ELP6: variants seen among roughly 807,000 people sequenced by gnomAD.
ELP6 encodes the protein elongator acetyltransferase complex subunit 6, also known as elongator complex protein 6.
ELP6 carries 23 observed loss-of-function variants against 28.1 expected under a neutral mutation model. The ratio of observed to expected loss-of-function variants is 0.82; its 90% CI spans 0.59 to 1.16. The LOEUF is 1.16. ELP6 is among the 50% of genes most tolerant of loss of function. The probability of loss-of-function intolerance (pLI) is 0.00; values close to 1 mark genes in which losing one functional copy is unlikely to be tolerated. For missense variants in ELP6, 313 were observed against 334.6 expected (o/e 0.94, Z 0.50); for synonymous variants, 132 against 135.8 (o/e 0.97, Z 0.19).
intron 6 of ELP6, 192 bp downstream of exon 6, chr3:47,498,094 G>A (rs1708530671): frequency 7.3e-7 from 1 of 1,364,832 alleles, no homozygotes. Context: ...CATGGAAAAC[G>A]TGGGCTGGTC....
chr3:47,499,815 G>A (rs2108077754), intron 5 of ELP6: 1 of 1,126,974 alleles, frequency 8.9e-7, no homozygotes, highest in Non-Finnish European at 1.1e-6. Context: ...CTGCTGGGCT[G>A]TGGCCCCAGC....
chr3:47,502,356 G>C (rs1230779577), intron 4 of ELP6: 4 of 944,430 alleles, frequency 4.2e-6, no homozygotes, highest in Middle Eastern at 5.3e-4. Context: ...GTTGCAGTGA[G>C]CCACGACTGA....
intron 3 of ELP6, among the ~76,000 whole-genome samples, chr3:47,506,777 C>T (rs183292524): frequency 1.6e-4 from 24 of 152,262 alleles, no homozygotes; most frequent in Non-Finnish European, 2.6e-4. Flanking sequence ...ACATCCTCCT[C>T]GGCTTGCGAG....
At chr3:47,512,721 C>T in intron 1 of ELP6, 1 of 980,330 alleles carries the variant, frequency 1.0e-6, no homozygotes, top group Non-Finnish European at 1.2e-6. Flanking sequence ...CTCTGTCCTG[C>T]TTCTAACAGT....
chr3:47,503,082 G>A (rs1276358841), intron 4 of ELP6: 2 of 1,047,480 alleles, frequency 1.9e-6, no homozygotes, highest in Non-Finnish European at 2.3e-6. Flanking sequence ...TGAGCCCCTG[G>A]CATTGGGTTA....
intron 1 of ELP6, chr3:47,511,555 G>T: frequency 1.1e-6 from 1 of 892,158 alleles, no homozygotes; most frequent in Non-Finnish European, 1.3e-6. Context: ...ATTGGATCCT[G>T]AACAAAGGAT....
At chr3:47,510,338 T>C in intron 2 of ELP6, 84 bp from the exon 3 acceptor site, 1 of 1,196,364 alleles carries the variant, frequency 8.4e-7, no homozygotes. Flanking sequence ...AAAAAAGCAC[T>C]GAGGCAAATC....
At chr3:47,511,643 C>G (rs1163776184) in intron 1 of ELP6, 1 of 576,170 alleles carries the variant, frequency 1.7e-6, no homozygotes. Flanking sequence ...CTGCCAACTA[C>G]TTTATATTCT....
intron 1 of ELP6, chr3:47,511,672 T>C: frequency 3.3e-6 from 2 of 606,046 alleles, no homozygotes; most frequent in Non-Finnish European, 4.2e-6. Context: ...TTCTATTCTG[T>C]AGGGTGAGGG....
rs1187558736 is a variant in ELP6 at position 47,507,211 on chromosome 3, A to T, written c.205-2763T>A. On this transcript the variant is annotated intron_variant, in intron 3 of 6. Transcript: ENST00000296149. ...AACCCTGTCTCTATGAAAATACAAA[A>T]TTAGCCGGGTATGGTGGCACATGCC... Among the ~76,000 whole-genome samples, 4 of 151,924 alleles carry T rather than the reference A, an allele frequency of 2.6e-5. No homozygotes were observed. The East Asian group carries it at 5.8e-4, about 22-fold the overall frequency.
intron 3 of ELP6, among the ~76,000 whole-genome samples, chr3:47,506,541 A>G (rs1160842373): frequency 6.6e-6 from 1 of 152,214 alleles, no homozygotes; most frequent in Non-Finnish European, 1.5e-5. Flanking sequence ...CTTGCTGAGA[A>G]AAAGAATTCA....
chr3:47,505,266 A>AAAAC (rs748661683), intron 3 of ELP6, among the ~76,000 whole-genome samples: 70 of 152,156 alleles, frequency 4.6e-4, no homozygotes, highest in East Asian at 7.7e-4. Flanking sequence ...AACTGTCTCA[A>AAAAC]AAACAAACAA....
intron 1 of ELP6, 72 bp downstream of exon 1, chr3:47,513,465 C>T (rs2029966443): frequency 6.3e-7 from 1 of 1,577,360 alleles, no homozygotes; most frequent in Non-Finnish European, 8.6e-7. Context: ...GGGTCGTGCG[C>T]ACCGCCTCCC....
chr3:47,498,280 G>A lies in ELP6; in HGVS notation c.672+6C>T, dbSNP rs1398733426. The A allele has an allele frequency of 6.2e-7, 1 of 1,612,958 alleles. No homozygotes were observed. The highest frequency in any genetic ancestry group is 2.2e-5 in the East Asian group (1 of 44,870). ...GAAGCCTGTTGCCCAGGAGGCCCCT[G>A]CATACCTGCCCGTGCACATCCCTGC... is the stretch of plus-strand genomic sequence containing the variant. On this transcript the variant is annotated splice_donor_region_variant and intron_variant, in intron 6 of 6. Transcript: ENST00000296149.
At chr3:47,505,143 T>A (rs932620002) in intron 3 of ELP6, among the ~76,000 whole-genome samples, 1 of 151,976 alleles carries the variant, frequency 6.6e-6, no homozygotes, top group Non-Finnish European at 1.5e-5. Flanking sequence ...GGCGGGCGCC[T>A]GCAATCCCAG....
At chr3:47,497,245 T>C in intron 6 of ELP6, 1 of 985,408 alleles carries the variant, frequency 1.0e-6, no homozygotes, top group Non-Finnish European at 1.2e-6. Flanking sequence ...GGCAGGACTC[T>C]CAGTTTCTGC....
intron 4 of ELP6, chr3:47,502,319 A>C (rs923140600): frequency 2.8e-6 from 2 of 715,478 alleles, no homozygotes; most frequent in Admixed American, 6.4e-5. Flanking sequence ...CTGAGGCAGG[A>C]GAATTGCTTG....
At position 47,496,143 on chromosome 3, in the gene ELP6, A is replaced by C. The variant is rs202196602; in HGVS notation, c.727T>G (p.Phe243Val). 213 of 1,614,166 alleles carry C rather than the reference A, an allele frequency of 1.3e-4. No homozygotes were observed. In the African/African-American group the frequency reaches 2.7e-3, roughly 20 times the overall value. Residue 243 changes from phenylalanine to valine, a missense_variant, in exon 7 of 7, where the codon TTC becomes GTC. Physicochemically the swap from Phe to Val is conservative, Grantham distance 50. Transcript: ENST00000296149. ...SQPAVHRDQS[F>V]TYQYKIQDKS... ...TCCTGTATCTTATACTGGTAAGTGA[A>C]GCTCTGATCCCGGTGGACTGCGGGC...
At chr3:47,498,779 T>A in intron 5 of ELP6, 1 of 902,432 alleles carries the variant, frequency 1.1e-6, no homozygotes, top group Non-Finnish European at 1.3e-6. Context: ...TCCTGAATAC[T>A]TAAGAGTGTA....
Sources: allele counts gnomAD v4.1 joint callset (sites outside exome capture counted in the v4.1 genomes callset), GRCh38; gene constraint gnomAD v4.1.1; transcripts MANE v1.5; gene names NCBI Gene and HGNC (gene_info 2026-07-23, HGNC 2026-07-21).